Variants in CHST11 observed in about 807,000 individuals in gnomAD.
CHST11 encodes the protein C4S-1.
A neutral mutation model predicts 30.4 loss-of-function variants in CHST11; 9 were observed. That is an observed-to-expected ratio of 0.30 (90% CI 0.18 to 0.52). The LOEUF (loss-of-function observed/expected upper bound fraction) is 0.52, where lower values mean the gene tolerates loss of function less well. Among genes scored for constraint, CHST11 ranks in the 20% least tolerant of loss-of-function variants. The pLI, the probability that CHST11 is intolerant of heterozygous loss-of-function variation, is 0.97. For synonymous variants in CHST11, 152 were observed against 187.8 expected (o/e 0.81, Z 1.56); for missense variants, 348 against 460.6 (o/e 0.76, Z 2.24).
chr12:104,638,646 T>TTTAA (rs2136073131), intron 2 of CHST11, among the ~76,000 whole-genome samples: 1 of 152,338 alleles, frequency 6.6e-6, no homozygotes, highest in Non-Finnish European at 1.5e-5. Flanking sequence ...AATCCCCTTC[T>TTTAA]TTAAGCCTGC....
At chr12:104,673,418 C>G (rs1444025652) in intron 2 of CHST11, among the ~76,000 whole-genome samples, 1 of 152,150 alleles carries the variant, frequency 6.6e-6, no homozygotes, top group Non-Finnish European at 1.5e-5. Context: ...GTGGTGACAC[C>G]TATTTTTAGC....
intron 2 of CHST11, among the ~76,000 whole-genome samples, chr12:104,673,315 C>T (rs1252878316): frequency 6.6e-6 from 1 of 152,208 alleles, no homozygotes; most frequent in Non-Finnish European, 1.5e-5. Flanking sequence ...ATTCAGCCTA[C>T]TGTACCTGTT....
intron 2 of CHST11, among the ~76,000 whole-genome samples, chr12:104,619,303 G>T (rs1471794393): frequency 6.6e-6 from 1 of 152,238 alleles, no homozygotes; most frequent in East Asian, 1.9e-4. Context: ...GGTTTGCTCA[G>T]GCCAGAGGCT....
At chr12:104,745,566 A>G (rs1401708338) in intron 2 of CHST11, among the ~76,000 whole-genome samples, 1 of 152,206 alleles carries the variant, frequency 6.6e-6, no homozygotes, top group Admixed American at 6.5e-5. Context: ...CTTCCTATCC[A>G]TGAGCATGGA....
At position 104,653,152 on chromosome 12, in the gene CHST11, C is replaced by T. The variant is rs545440043; in HGVS notation, c.204+51161C>T. Among the ~76,000 whole-genome samples the T allele has an allele frequency of 2.0e-5, 3 of 152,304 alleles. No homozygotes were observed. In the East Asian group the frequency reaches 5.8e-4, roughly 29 times the overall value. ...CCGTTTGAACAATAACTCCCCATTT[C>T]TCCTGCCCGCCAGCCTCTCGTAACC... On this transcript the variant is annotated intron_variant, in intron 2 of 2. Coordinates refer to ENST00000303694, the MANE Select transcript of CHST11 (RefSeq NM_018413.6).
rs528884138 is a variant in CHST11 at position 104,710,079 on chromosome 12, T to C, written c.205-46870T>C. ...TGCCAGGCCTGGTGGCATGTGACTG[T>C]AGTCCCAGCTACTTGGGAGGCTGAG... On this transcript the variant is annotated intron_variant, in intron 2 of 2. Transcript: ENST00000303694. Among the ~76,000 whole-genome samples, 193 of 152,252 alleles carry C rather than the reference T, an allele frequency of 1.3e-3. 4 individuals carry two copies. In the South Asian group the frequency reaches 0.039, roughly 31 times the overall value.
At chr12:104,701,783 G>T (rs1002758939) in intron 2 of CHST11, among the ~76,000 whole-genome samples, 1 of 152,134 alleles carries the variant, frequency 6.6e-6, no homozygotes, top group East Asian at 1.9e-4. Flanking sequence ...GCCCCAGGCC[G>T]GTCTGTGTGT....
chr12:104,710,833 C>T (rs2040081325), intron 2 of CHST11, among the ~76,000 whole-genome samples: 1 of 152,176 alleles, frequency 6.6e-6, no homozygotes, highest in South Asian at 2.1e-4. Context: ...AGCTCTGAAG[C>T]ATCTCTCCAG....
intron 2 of CHST11, among the ~76,000 whole-genome samples, chr12:104,621,339 G>A (rs1485398291): frequency 6.6e-6 from 1 of 152,234 alleles, no homozygotes; most frequent in African/African-American, 2.4e-5. Flanking sequence ...CTCTGGTGCT[G>A]TCCTAGACCT....
At chr12:104,482,668 G>A (rs773591631) in intron 1 of CHST11, among the ~76,000 whole-genome samples, 4 of 152,056 alleles carry the variant, frequency 2.6e-5, no homozygotes, top group South Asian at 2.1e-4. Context: ...GTGTGTGCCC[G>A]GAGCTTCACA....
At chr12:104,516,636 T>G (rs571432567) in intron 1 of CHST11, among the ~76,000 whole-genome samples, 1 of 152,154 alleles carries the variant, frequency 6.6e-6, no homozygotes, top group Non-Finnish European at 1.5e-5. Flanking sequence ...GGTGCTTTTA[T>G]AGTGTTCCTC....
At chr12:104,750,980 GA>G (rs2040427169) in intron 2 of CHST11, among the ~76,000 whole-genome samples, 1 of 152,182 alleles carries the variant, frequency 6.6e-6, no homozygotes, top group Non-Finnish European at 1.5e-5. Context: ...TTCCTGAGGG[GA>G]AACTGTGTGT....
chr12:104,620,677 T>A (rs1285285304), intron 2 of CHST11, among the ~76,000 whole-genome samples: 1 of 152,232 alleles, frequency 6.6e-6, no homozygotes, highest in Non-Finnish European at 1.5e-5. Context: ...TAAAGCGTCA[T>A]TTTTCTTGAG....
rs75824571 is a variant in CHST11, at chr12:104,653,966, G to C, written c.204+51975G>C. Among the ~76,000 whole-genome samples the C allele has an allele frequency of 3.0e-3, 462 of 152,266 alleles. 11 individuals carry two copies. The East Asian group carries it at 0.046, about 15-fold the overall frequency. The stretch of plus-strand genomic sequence containing the variant: ...TTTCCCAGGGTAGTAAAACGTCCCC[G>C]ACACCACCTCTGCCCCATGGTCTCG... On this transcript the variant is annotated intron_variant, in intron 2 of 2. Coordinates refer to ENST00000303694, the MANE Select transcript of CHST11 (RefSeq NM_018413.6).
At chr12:104,480,693 G>T (rs67672936) in intron 1 of CHST11, among the ~76,000 whole-genome samples, 1 of 151,912 alleles carries the variant, frequency 6.6e-6, no homozygotes, top group Non-Finnish European at 1.5e-5. Flanking sequence ...ACATAAGACC[G>T]TGTGATAATG....
At chr12:104,642,627 T>C (rs576032892) in intron 2 of CHST11, among the ~76,000 whole-genome samples, 20 of 152,196 alleles carry the variant, frequency 1.3e-4, no homozygotes, top group East Asian at 3.9e-4. Flanking sequence ...CTAGAACTCC[T>C]GGGCCCAAGC....
intron 1 of CHST11, among the ~76,000 whole-genome samples, chr12:104,501,658 G>A (rs894031942): frequency 2.0e-5 from 3 of 152,178 alleles, no homozygotes; most frequent in Non-Finnish European, 4.4e-5. Flanking sequence ...GTGCTCAGCC[G>A]AGAGCCTGGT....
intron 1 of CHST11, among the ~76,000 whole-genome samples, chr12:104,588,652 G>A (rs1003255645): frequency 2.0e-5 from 3 of 152,208 alleles, no homozygotes; most frequent in African/African-American, 7.2e-5. Context: ...CCATCCCGGT[G>A]ATGTTTGACC....
At chr12:104,537,473 G>A (rs1212001242) in intron 1 of CHST11, among the ~76,000 whole-genome samples, 1 of 152,182 alleles carries the variant, frequency 6.6e-6, no homozygotes, top group East Asian at 1.9e-4. Flanking sequence ...CTTCTTATCA[G>A]TGGAATCACA....
Sources: allele counts gnomAD v4.1 joint callset (sites outside exome capture counted in the v4.1 genomes callset), GRCh38; gene constraint gnomAD v4.1.1; transcripts MANE v1.5; gene names NCBI Gene and HGNC (gene_info 2026-07-23, HGNC 2026-07-21).